PDK3: variants seen among roughly 807,000 people sequenced by gnomAD.
PDK3 encodes the protein pyruvate dehydrogenase kinase, isozyme 3.
Under a neutral mutation model 32.0 loss-of-function variants are expected in PDK3, and 12 were observed. The ratio of observed to expected loss-of-function variants is 0.37; its 90% confidence interval spans 0.24 to 0.61. The LOEUF (loss-of-function observed/expected upper bound fraction) is 0.61. Among genes scored for constraint, PDK3 ranks in the 20% least tolerant of loss-of-function variants. The pLI, the probability that PDK3 is intolerant of heterozygous loss-of-function variation, is 0.65. For missense variants in PDK3, 188 were observed against 316.9 expected (o/e 0.59, Z 3.09); for synonymous variants, 122 against 116.3 (o/e 1.05, Z -0.31).
At chrX:24,529,096 C>T (rs888448485) in intron 9 of PDK3, among the ~76,000 whole-genome samples, 2 of 111,793 alleles carry the variant, frequency 1.8e-5, no homozygotes, top group South Asian at 7.5e-4. Context: ...CGAGAAAATT[C>T]ATGAAAGATC....
chrX:24,526,413 G>A (rs911743631), intron 7 of PDK3, 139 bp downstream of exon 7: 1 of 425,478 alleles, frequency 2.4e-6, no homozygotes, highest in East Asian at 4.0e-5. Context: ...ATATCCTGTG[G>A]GTTTTATAAT....
At chrX:24,539,086 G>A (rs751042328), downstream of PDK3, 19 of 799,183 alleles carry the variant, frequency 2.4e-5, no homozygotes, top group African/African-American at 3.7e-4. Context: ...AACAGAGGAG[G>A]TTGTACTCAC....
intron 1 of PDK3, among the ~76,000 whole-genome samples, chrX:24,484,785 G>A (rs1049985774): frequency 9.0e-6 from 1 of 110,778 alleles, no homozygotes; most frequent in Non-Finnish European, 1.9e-5. Flanking sequence ...GTTATAGGAA[G>A]ATTTTTATGA....
exon 12 of PDK3, among the ~76,000 whole-genome samples, chrX:24,543,763 ATC>A (rs1489473780): frequency 9.0e-6 from 1 of 111,506 alleles, no homozygotes; most frequent in Non-Finnish European, 1.9e-5. Context: ...TTCATTTTTT[ATC>A]TCTTTCTTTC....
chrX:24,480,674 T>G (rs186126238), intron 1 of PDK3, among the ~76,000 whole-genome samples: 94 of 112,346 alleles, frequency 8.4e-4, no homozygotes, highest in African/African-American at 2.8e-3. Context: ...ATGCCAAAGG[T>G]TAACACCGAA....
intron 5 of PDK3, among the ~76,000 whole-genome samples, chrX:24,512,631 C>T (rs1922151702): frequency 9.0e-6 from 1 of 111,495 alleles, no homozygotes; most frequent in Non-Finnish European, 1.9e-5. Flanking sequence ...GGTGTGATGG[C>T]GTGTGCCTGT....
chrX:24,506,106 A>G, intron 5 of PDK3, among the ~76,000 whole-genome samples: 1 of 111,916 alleles, frequency 8.9e-6, no homozygotes, highest in Non-Finnish European at 1.9e-5. Context: ...ATAGCAAAGG[A>G]AAACCTCTGT....
At chrX:24,518,209 C>T (rs1344300743) in intron 5 of PDK3, among the ~76,000 whole-genome samples, 2 of 111,820 alleles carry the variant, frequency 1.8e-5, no homozygotes, top group African/African-American at 3.3e-5. Context: ...AAGCCAGGCA[C>T]GGTGGCTCAT....
At chrX:24,512,447 A>G (rs929322069) in intron 5 of PDK3, among the ~76,000 whole-genome samples, 1 of 111,993 alleles carries the variant, frequency 8.9e-6, no homozygotes, top group East Asian at 2.8e-4. Flanking sequence ...TCAGGTTACA[A>G]GTAACAGAGA....
intron 5 of PDK3, chrX:24,513,355 A>T (rs1262606820): frequency 9.0e-6 from 1 of 111,182 alleles, no homozygotes; most frequent in Non-Finnish European, 1.9e-5. Flanking sequence ...AAGGCAGCAT[A>T]TCAATTCCAG....
At position 24,533,961 on chromosome X, in the gene PDK3, A is replaced by C; in HGVS notation, c.1110A>C (p.Pro370=). The C allele has an allele frequency of 5.0e-6, 6 of 1,207,627 alleles. No individual in the cohort carries two copies. Among genetic ancestry groups the C allele is most frequent in the Non-Finnish European group, 6.7e-6 (6 of 892,800 alleles). The change falls in exon 11 of 11, where the codon CCA becomes CCC. Residue 370 remains proline, a synonymous_variant. Coordinates refer to ENST00000379162, the MANE Select transcript of PDK3 (RefSeq NM_005391.5). ...ALSSESFERL[P]VFNKSAWRHY... ...CAAGTGAGTCATTTGAGAGACTTCCAGTTTTTAATAAGTCCGCATGGCGCC... is the reference window on the plus strand; with the variant it reads ...CAAGTGAGTCATTTGAGAGACTTCCCGTTTTTAATAAGTCCGCATGGCGCC...
chrX:24,474,012 C>T (rs1265371466), intron 1 of PDK3, among the ~76,000 whole-genome samples: 1 of 112,043 alleles, frequency 8.9e-6, no homozygotes, highest in Non-Finnish European at 1.9e-5. Flanking sequence ...AAATGATTCA[C>T]ATTTTCTTTT....
At chrX:24,523,240 A>G (rs1922440745) in intron 6 of PDK3, among the ~76,000 whole-genome samples, 1 of 112,214 alleles carries the variant, frequency 8.9e-6, no homozygotes, top group African/African-American at 3.2e-5. Flanking sequence ...AATCCCATCC[A>G]TAAGGGCTCT....
chrX:24,538,377 C>G (rs1471952326), downstream of PDK3, among the ~76,000 whole-genome samples: 1 of 112,135 alleles, frequency 8.9e-6, no homozygotes, highest in African/African-American at 3.2e-5. Context: ...GGTAAATTCA[C>G]TAGGTATTTA....
chrX:24,495,679 T>C (rs1921682409), intron 2 of PDK3, among the ~76,000 whole-genome samples: 1 of 112,611 alleles, frequency 8.9e-6, no homozygotes, highest in African/African-American at 3.2e-5. Flanking sequence ...CCCCATATGT[T>C]CACCAACCTG....
downstream of PDK3, among the ~76,000 whole-genome samples, chrX:24,538,644 G>A (rs1325450972): frequency 9.0e-6 from 1 of 110,852 alleles, no homozygotes; most frequent in Non-Finnish European, 1.9e-5. Context: ...CCGGGCGGTG[G>A]TGGCGGGTGC....
intron 3 of PDK3, among the ~76,000 whole-genome samples, chrX:24,502,958 A>C (rs1921897320): frequency 8.9e-6 from 1 of 112,323 alleles, no homozygotes; most frequent in African/African-American, 3.2e-5. Flanking sequence ...GATTGTCCTC[A>C]TGTTCTCAGA....
intron 6 of PDK3, among the ~76,000 whole-genome samples, chrX:24,523,501 C>T (rs1922447370): frequency 8.9e-6 from 1 of 112,171 alleles, no homozygotes; most frequent in Non-Finnish European, 1.9e-5. Flanking sequence ...CCTGGAGGGA[C>T]TCTGGGGGCA....
At chrX:24,472,527 C>T (rs1170451457) in intron 1 of PDK3, among the ~76,000 whole-genome samples, 1 of 110,990 alleles carries the variant, frequency 9.0e-6, no homozygotes, top group African/African-American at 3.3e-5. Context: ...AATATCAGTA[C>T]ATCTTATATT....
Sources: allele counts gnomAD v4.1 joint callset (sites outside exome capture counted in the v4.1 genomes callset), GRCh38; gene constraint gnomAD v4.1.1; transcripts MANE v1.5; gene names NCBI Gene and HGNC (gene_info 2026-07-23, HGNC 2026-07-21).